CATSPERB: variants seen among roughly 807,000 people sequenced by gnomAD.
CATSPERB encodes the protein cation channel sperm-associated auxiliary subunit beta.
In CATSPERB, 93 loss-of-function variants were observed where a neutral mutation model predicts 128.3. The observed-to-expected ratio is 0.72, with a 90% CI of 0.61 to 0.86. The LOEUF is 0.86. Ranked by LOEUF, CATSPERB falls within the 40% of genes least tolerant of loss-of-function variation. CATSPERB has a pLI of 0.00. For synonymous variants in CATSPERB, 381 were observed against 448.8 expected, an observed-to-expected ratio of 0.85 and a Z score of 1.91; for missense variants, 1,153 against 1,329.5, an observed-to-expected ratio of 0.87 and a Z score of 2.06.
intron 11 of CATSPERB, among the ~76,000 whole-genome samples, chr14:91,682,725 T>C (rs996159122): frequency 6.6e-6 from 1 of 152,164 alleles, no homozygotes; most frequent in Admixed American, 6.5e-5. Context: ...CCTGGTGGTT[T>C]TACCCACTAG....
At chr14:91,714,752 G>C (rs1454654183) in intron 5 of CATSPERB, among the ~76,000 whole-genome samples, 1 of 151,804 alleles carries the variant, frequency 6.6e-6, no homozygotes, top group Non-Finnish European at 1.5e-5. Flanking sequence ...TAGAGATGGG[G>C]TTTCGCCACG....
chr14:91,683,068 G>A (rs867982820), intron 11 of CATSPERB, among the ~76,000 whole-genome samples: 1 of 152,190 alleles, frequency 6.6e-6, no homozygotes, highest in Non-Finnish European at 1.5e-5. Context: ...TTAGTGCAGG[G>A]AAGACTTTCA....
chr14:91,662,452 C>G (rs1341301689), intron 14 of CATSPERB, among the ~76,000 whole-genome samples: 1 of 152,076 alleles, frequency 6.6e-6, no homozygotes, highest in African/African-American at 2.4e-5. Flanking sequence ...TATTCATTTT[C>G]CTATTCATAG....
At chr14:91,618,520 A>G (rs1482192046) in intron 19 of CATSPERB, among the ~76,000 whole-genome samples, 3 of 152,214 alleles carry the variant, frequency 2.0e-5, no homozygotes, top group Non-Finnish European at 4.4e-5. Context: ...CTCAAATGCT[A>G]ATCAAGGTCT....
chr14:91,584,293 T>G (rs2139753610), intron 26 of CATSPERB, among the ~76,000 whole-genome samples: 1 of 152,204 alleles, frequency 6.6e-6, no homozygotes, highest in South Asian at 2.1e-4. Flanking sequence ...GGTCTCGAAC[T>G]CCTGACCTCA....
intron 13 of CATSPERB, among the ~76,000 whole-genome samples, chr14:91,670,305 A>G (rs1014755541): frequency 2.0e-5 from 3 of 152,224 alleles, no homozygotes. Flanking sequence ...AAAAGTGTGG[A>G]TGCCTAAGCC....
intron 10 of CATSPERB, among the ~76,000 whole-genome samples, chr14:91,684,683 C>T (rs113560882): frequency 0.026 from 3,748 of 144,884 alleles, 93 homozygotes; most frequent in Middle Eastern, 0.07. Context: ...AGCACAATTT[C>T]GGCTCACTAC....
At chr14:91,638,301 G>C (rs909091236) in intron 16 of CATSPERB, among the ~76,000 whole-genome samples, 7 of 152,124 alleles carry the variant, frequency 4.6e-5, no homozygotes, top group African/African-American at 1.7e-4. Flanking sequence ...AGTGTCATCT[G>C]TAAAGAAGAT....
intron 11 of CATSPERB, among the ~76,000 whole-genome samples, chr14:91,683,405 C>CA (rs1484272586): frequency 6.6e-6 from 1 of 152,174 alleles, no homozygotes; most frequent in Admixed American, 6.5e-5. Context: ...GTTAAAAATG[C>CA]ATTTTTGAAA....
At chr14:91,644,119 G>A (rs1894547595) in intron 15 of CATSPERB, among the ~76,000 whole-genome samples, 1 of 133,570 alleles carries the variant, frequency 7.5e-6, no homozygotes, top group East Asian at 2.2e-4. Context: ...CACGTGAGAT[G>A]GGTTTCCTGA....
At chr14:91,622,690 A>C (rs1437672472) in intron 18 of CATSPERB, among the ~76,000 whole-genome samples, 1 of 152,160 alleles carries the variant, frequency 6.6e-6, no homozygotes, top group Non-Finnish European at 1.5e-5. Flanking sequence ...AATTTCTCCC[A>C]GTTCAAACCG....
At chr14:91,584,524 G>T (rs752984818) in intron 26 of CATSPERB, among the ~76,000 whole-genome samples, 16 of 152,072 alleles carry the variant, frequency 1.1e-4, no homozygotes, top group Non-Finnish European at 1.3e-4. Flanking sequence ...AAGCTTCAAG[G>T]TTCCTGCTGT....
At chr14:91,648,710 G>C (rs1297069474) in intron 15 of CATSPERB, among the ~76,000 whole-genome samples, 1 of 152,010 alleles carries the variant, frequency 6.6e-6, no homozygotes, top group Admixed American at 6.6e-5. Flanking sequence ...GAACATTACT[G>C]CCTCTGCTTT....
At chr14:91,708,294 A>C in intron 5 of CATSPERB, 58 bp from the exon 6 acceptor site, 1 of 1,132,218 alleles carries the variant, frequency 8.8e-7, no homozygotes, top group Non-Finnish European at 1.3e-6. Context: ...TGTTTGGTGA[A>C]ATTTAAGGAT....
intron 19 of CATSPERB, among the ~76,000 whole-genome samples, chr14:91,618,135 T>C (rs558366216): frequency 2.0e-5 from 3 of 152,304 alleles, no homozygotes; most frequent in Admixed American, 6.5e-5. Context: ...TTAGACTATA[T>C]AGGGTAACTT....
intron 14 of CATSPERB, among the ~76,000 whole-genome samples, chr14:91,667,383 GA>G (rs1250325766): frequency 6.6e-6 from 1 of 152,170 alleles, no homozygotes; most frequent in African/African-American, 2.4e-5. Flanking sequence ...AAGAGACAAA[GA>G]GACAGAAAGT....
chr14:91,687,255 G>C (rs946752639), intron 10 of CATSPERB, among the ~76,000 whole-genome samples: 1 of 151,966 alleles, frequency 6.6e-6, no homozygotes, highest in African/African-American at 2.4e-5. Context: ...TTACCTATTT[G>C]AACATCATAA....
At chr14:91,633,474 C>G (rs1017965575) in intron 17 of CATSPERB, among the ~76,000 whole-genome samples, 8 of 151,628 alleles carry the variant, frequency 5.3e-5, no homozygotes, top group Admixed American at 2.6e-4. Flanking sequence ...GTTAACAGAA[C>G]CACAGAAGGG....
At chr14:91,637,619 T>C (rs971994473) in intron 16 of CATSPERB, among the ~76,000 whole-genome samples, 2 of 152,162 alleles carry the variant, frequency 1.3e-5, no homozygotes, top group Non-Finnish European at 2.9e-5. Flanking sequence ...CCTCGCTTTC[T>C]TCATAAGTGA....
Sources: allele counts gnomAD v4.1 joint callset (sites outside exome capture counted in the v4.1 genomes callset), GRCh38; gene constraint gnomAD v4.1.1; transcripts MANE v1.5; gene names NCBI Gene and HGNC (gene_info 2026-07-23, HGNC 2026-07-21).